The following AP4S1 variants were observed in gnomAD, a reference collection of about 807,000 sequenced individuals.
AP4S1 encodes adaptor related protein complex 4 subunit sigma 1.
In AP4S1, 23 loss-of-function variants were observed where a neutral mutation model predicts 19.8. That is an observed-to-expected ratio of 1.16 (90% confidence interval 0.84 to 1.65). The LOEUF (loss-of-function observed/expected upper bound fraction) is 1.65. Ranked by LOEUF, AP4S1 falls within the 40% of genes most tolerant of loss-of-function variation. The pLI is 0.00. For synonymous variants in AP4S1, 46 were observed against 54.1 expected, an observed-to-expected ratio of 0.85 and a Z score of 0.66; for missense variants, 166 against 172.8, an observed-to-expected ratio of 0.96 and a Z score of 0.22.
rs572547270 is a variant in AP4S1, at chr14:31,043,034, G to A, written c.-72+17247G>A. Among the ~76,000 whole-genome samples, 17 of 152,082 alleles carry A rather than the reference G, an allele frequency of 1.1e-4. No individual in the cohort carries two copies. In the East Asian group the frequency reaches 1.4e-3, roughly 12 times the overall value. ...CCAGAAGCTCAAGATCAGCCTGGCC[G>A]ACATGGTGAAACCCTGTCTCTACTA... On this transcript the variant is annotated intron_variant, in intron 1 of 5. Transcript: ENST00000542754.
Position 31,093,133 on chromosome 14 carries a change from T to G in AP4S1, c.*98T>G, listed in dbSNP as rs1888120600. On this transcript the variant is annotated 3_prime_UTR_variant, in exon 6 of 6. Coordinates refer to ENST00000542754, the MANE Select transcript of AP4S1 (RefSeq NM_001128126.3). ...CCCAGAAGAATCTGGAAGACCACAA[T>G]TACAAAATGGGGTATCCTTCCAAAG... is the stretch of plus-strand genomic sequence containing the variant. 2 of 1,259,436 alleles carry G rather than the reference T, an allele frequency of 1.6e-6. No homozygotes were observed. The highest frequency in any genetic ancestry group is 1.1e-6 in the Non-Finnish European group (1 of 930,852). 78.0% of individuals were successfully genotyped at this position (1,259,436 alleles called of 1,614,324 possible).
intron 1 of AP4S1, chr14:31,026,320 C>CCTGCCGTGGGTCAGAGCAGGGAG: frequency 1.0e-6 from 1 of 981,538 alleles, no homozygotes; most frequent in Non-Finnish European, 1.4e-6. Context: ...TTGCTGTGTG[C>CCTGCCGTGGGTCAGAGCAGGGAG]CTGCCGTGGG....
intron 5 of AP4S1, among the ~76,000 whole-genome samples, chr14:31,083,251 G>A (rs1290269206): frequency 5.3e-5 from 8 of 152,044 alleles, no homozygotes; most frequent in African/African-American, 1.7e-4. Context: ...CATTTTACCT[G>A]GTTTCATTTT....
intron 1 of AP4S1, among the ~76,000 whole-genome samples, chr14:31,038,698 T>C (rs1884916724): frequency 6.6e-6 from 1 of 152,202 alleles, no homozygotes; most frequent in Admixed American, 6.5e-5. Flanking sequence ...AATTAAATTT[T>C]CACATCTGTA....
At chr14:31,049,428 A>AAAAAAAAAATAT (rs1384450221) in intron 1 of AP4S1, among the ~76,000 whole-genome samples, 6 of 57,744 alleles carry the variant, frequency 1.0e-4, no homozygotes, top group Non-Finnish European at 1.7e-4. Flanking sequence ...AAAAAAAAAA[A>AAAAAAAAAATAT]ATATATATAT....
chr14:31,074,151 C>T (rs919444660), intron 4 of AP4S1, among the ~76,000 whole-genome samples: 1 of 150,240 alleles, frequency 6.7e-6, no homozygotes, highest in Non-Finnish European at 1.5e-5. Context: ...ATGGTGAAAC[C>T]CTGTCTCTAC....
intron 1 of AP4S1, among the ~76,000 whole-genome samples, chr14:31,048,820 A>C (rs762456806): frequency 3.3e-5 from 5 of 152,192 alleles, no homozygotes; most frequent in Non-Finnish European, 5.9e-5. Flanking sequence ...GAACATTTTC[A>C]ACTTTGGGAG....
At chr14:31,091,741 AAATC>A (rs558068767) in intron 5 of AP4S1, among the ~76,000 whole-genome samples, 1 of 152,190 alleles carries the variant, frequency 6.6e-6, no homozygotes, top group Non-Finnish European at 1.5e-5. Flanking sequence ...TGGTTGAAAA[AAATC>A]AAAGGGAACA....
At chr14:31,063,000 T>C (rs1318782914) in intron 1 of AP4S1, among the ~76,000 whole-genome samples, 1 of 150,478 alleles carries the variant, frequency 6.6e-6, no homozygotes, top group Non-Finnish European at 1.5e-5. Context: ...GGAATTTATG[T>C]TATAAGCAAA....
chr14:31,069,645 T>G (rs1251873622), intron 2 of AP4S1, among the ~76,000 whole-genome samples, 198 bp from the exon 3 acceptor site: 1 of 152,240 alleles, frequency 6.6e-6, no homozygotes, highest in African/African-American at 2.4e-5. Flanking sequence ...TTTCCAATAC[T>G]TCTCCAGTTT....
At chr14:31,061,553 C>G (rs1003366354) in intron 1 of AP4S1, among the ~76,000 whole-genome samples, 3 of 152,276 alleles carry the variant, frequency 2.0e-5, no homozygotes, top group African/African-American at 7.2e-5. Flanking sequence ...GTCTCCCCCG[C>G]TTTCAGTCTC....
chr14:31,053,740 T>A (rs1885947875), intron 1 of AP4S1, among the ~76,000 whole-genome samples: 1 of 151,894 alleles, frequency 6.6e-6, no homozygotes, highest in Non-Finnish European at 1.5e-5. Context: ...TGGCCTTTAG[T>A]AACCTTTTAT....
chr14:31,079,186 A>G (rs1887509507), intron 4 of AP4S1, among the ~76,000 whole-genome samples: 1 of 152,174 alleles, frequency 6.6e-6, no homozygotes, highest in Admixed American at 6.5e-5. Flanking sequence ...GTCCTTTCAT[A>G]TTTGAACTTA....
chr14:31,069,235 G>A (rs1392938036), intron 2 of AP4S1, among the ~76,000 whole-genome samples: 1 of 152,130 alleles, frequency 6.6e-6, no homozygotes, highest in Non-Finnish European at 1.5e-5. Flanking sequence ...ATGTGTCAGT[G>A]GTGGCAGGCT....
intron 1 of AP4S1, among the ~76,000 whole-genome samples, chr14:31,039,747 T>C (rs1189352389): frequency 6.6e-6 from 1 of 151,592 alleles, no homozygotes; most frequent in East Asian, 2.0e-4. Flanking sequence ...CGCGCCACCA[T>C]GCCCGGCTAA....
intron 1 of AP4S1, among the ~76,000 whole-genome samples, chr14:31,056,809 T>C (rs1886146227): frequency 6.6e-6 from 1 of 152,190 alleles, no homozygotes. Flanking sequence ...CTGGGCACAA[T>C]GTCACGTCTA....
At chr14:31,064,330 C>T (rs971832784) in intron 1 of AP4S1, among the ~76,000 whole-genome samples, 2 of 152,018 alleles carry the variant, frequency 1.3e-5, no homozygotes, top group Non-Finnish European at 2.9e-5. Context: ...CTCACTATCA[C>T]CTCCACCTCC....
chr14:31,085,166 G>A, intron 5 of AP4S1: 1 of 1,203,322 alleles, frequency 8.3e-7, no homozygotes, highest in South Asian at 2.3e-5. Flanking sequence ...TCATGGGGCA[G>A]ATGCCCACCA....
Position 31,063,767 on chromosome 14 carries a change from G to A in AP4S1, c.-71-2359G>A, listed in dbSNP as rs1488293292. On this transcript the variant is annotated intron_variant, in intron 1 of 5. Transcript: ENST00000542754. ...GAAGAATCGATGAACTCTAAATAAA[G>A]TCTGGAGTTAATAATAATGTACTAA... Among the ~76,000 whole-genome samples the A allele has an allele frequency of 2.0e-5, 3 of 152,296 alleles. No homozygotes were observed. In the South Asian group the frequency reaches 6.2e-4, roughly 32 times the overall value.
Sources: allele counts gnomAD v4.1 joint callset (sites outside exome capture counted in the v4.1 genomes callset), GRCh38; gene constraint gnomAD v4.1.1; transcripts MANE v1.5; gene names NCBI Gene and HGNC (gene_info 2026-07-23, HGNC 2026-07-21).